The following NSG1 variants were observed in gnomAD, a reference collection of about 807,000 sequenced individuals.
The protein encoded by NSG1 is neuronal vesicle trafficking-associated protein 1.
Under a neutral mutation model 19.3 loss-of-function variants are expected in NSG1, and 9 were observed. The observed-to-expected ratio is 0.47, with a 90% confidence interval of 0.28 to 0.81. The LOEUF (loss-of-function observed/expected upper bound fraction) is 0.81. Ranked by LOEUF, NSG1 falls within the 40% of genes least tolerant of loss-of-function variation. The probability of loss-of-function intolerance (pLI) is 0.11; values close to 1 mark genes in which losing one functional copy is unlikely to be tolerated. For missense variants in NSG1, 236 were observed against 242.4 expected (o/e 0.97, Z 0.18); for synonymous variants, 104 against 107.0 (o/e 0.97, Z 0.17).
At chr4:4,412,289 C>A (rs1724252945) in intron 4 of NSG1, among the ~76,000 whole-genome samples, 1 of 151,682 alleles carries the variant, frequency 6.6e-6, no homozygotes, top group Non-Finnish European at 1.5e-5. Context: ...TGGGAGATGA[C>A]CCAGGAGATG....
intron 3 of NSG1, among the ~76,000 whole-genome samples, chr4:4,404,282 C>T (rs1305703016): frequency 6.6e-6 from 1 of 152,224 alleles, no homozygotes; most frequent in Non-Finnish European, 1.5e-5. Context: ...CAGCATGGAG[C>T]CTGCAACATT....
intron 3 of NSG1, among the ~76,000 whole-genome samples, chr4:4,406,771 G>A (rs1030640841): frequency 3.3e-5 from 5 of 152,128 alleles, no homozygotes; most frequent in South Asian, 2.1e-4. Context: ...CCAGACTCCC[G>A]GCCAGTGAGC....
intron 3 of NSG1, among the ~76,000 whole-genome samples, chr4:4,395,461 C>T (rs1361335975): frequency 2.6e-5 from 4 of 152,128 alleles, no homozygotes; most frequent in African/African-American, 9.7e-5. Context: ...TTTTATTACC[C>T]AGTTAGATTT....
At chr4:4,394,462 C>T (rs1723152186) in intron 3 of NSG1, among the ~76,000 whole-genome samples, 1 of 152,104 alleles carries the variant, frequency 6.6e-6, no homozygotes, top group Non-Finnish European at 1.5e-5. Context: ...CTGGGTTGGG[C>T]TGTCTTCTCT....
intron 3 of NSG1, among the ~76,000 whole-genome samples, chr4:4,405,734 C>T (rs746291347): frequency 1.7e-4 from 26 of 152,186 alleles, no homozygotes; most frequent in Non-Finnish European, 3.8e-4. Context: ...ACGGGCCGCC[C>T]GCTGACTCTC....
intron 3 of NSG1, among the ~76,000 whole-genome samples, chr4:4,398,147 GT>G (rs1723365966): frequency 6.6e-6 from 1 of 151,804 alleles, no homozygotes; most frequent in African/African-American, 2.4e-5. Context: ...TGGAGATGGG[GT>G]TTCACTATCT....
intron 4 of NSG1, among the ~76,000 whole-genome samples, chr4:4,416,572 C>T (rs1357310052): frequency 6.6e-6 from 1 of 152,170 alleles, no homozygotes; most frequent in African/African-American, 2.4e-5. Flanking sequence ...AACCACAGGG[C>T]CTGGCCTGCA....
At chr4:4,401,434 C>G (rs1723542019) in intron 3 of NSG1, among the ~76,000 whole-genome samples, 1 of 152,216 alleles carries the variant, frequency 6.6e-6, no homozygotes, top group African/African-American at 2.4e-5. Flanking sequence ...TGCAGCCACA[C>G]TGGTCGTAGA....
chr4:4,405,802 C>T (rs567628130), intron 3 of NSG1, among the ~76,000 whole-genome samples: 13 of 152,184 alleles, frequency 8.5e-5, no homozygotes, highest in African/African-American at 2.9e-4. Context: ...CTCGCATTCT[C>T]GTTGCACGGT....
intron 4 of NSG1, among the ~76,000 whole-genome samples, chr4:4,416,685 C>A (rs944528408): frequency 1.3e-5 from 2 of 152,046 alleles, no homozygotes; most frequent in Admixed American, 6.5e-5. Flanking sequence ...CCCTCCCTAC[C>A]CCCTCGCCAT....
intron 4 of NSG1, among the ~76,000 whole-genome samples, chr4:4,411,184 C>G (rs2108751768): frequency 6.6e-6 from 1 of 152,308 alleles, no homozygotes; most frequent in South Asian, 2.1e-4. Context: ...AAGTTTTTGA[C>G]TCTTTTGTAA....
chr4:4,415,929 G>A (rs1161199967), intron 4 of NSG1: 4 of 603,268 alleles, frequency 6.6e-6, no homozygotes, highest in Non-Finnish European at 1.2e-5. Flanking sequence ...CTGCTGGTCT[G>A]AATGGGCTGT....
At position 4,387,654 on chromosome 4, in the gene NSG1, G is replaced by T. The variant is rs368998301; in HGVS notation, c.25G>T (p.Ala9Ser). 89 of 1,613,250 alleles carry T rather than the reference G, an allele frequency of 5.5e-5. 2 individuals carry two copies. In the Middle Eastern group the frequency reaches 1.6e-3, roughly 30 times the overall value. ...GATGGTGAAGTTGGGGAACAATTTC[G>T]CAGAGAAGGGCACCAAGCAGCCGCT... MVKLGNNF[A>S]EKGTKQPLLE... Residue 9 changes from alanine to serine, a missense_variant, in exon 2 of 5, where the codon GCA becomes TCA. Transcript: ENST00000621129.
intron 4 of NSG1, among the ~76,000 whole-genome samples, chr4:4,415,508 G>A (rs1001599186): frequency 1.3e-5 from 2 of 152,182 alleles, no homozygotes; most frequent in Admixed American, 6.5e-5. Context: ...GTGGGCTCAC[G>A]GCAAGGCCTC....
chr4:4,387,561 C>CGGGGGTGGGG, intron 1 of NSG1, 43 bp from the exon 2 acceptor site: 2 of 1,141,988 alleles, frequency 1.8e-6, no homozygotes, highest in Middle Eastern at 2.5e-4. Context: ...CGCCCCGCCC[C>CGGGGGTGGGG]GGGTCTTGCT....
At chr4:4,390,788 G>A (rs1352144626) in intron 2 of NSG1, among the ~76,000 whole-genome samples, 1 of 152,204 alleles carries the variant, frequency 6.6e-6, no homozygotes, top group African/African-American at 2.4e-5. Context: ...GGGCTGGGAG[G>A]CTTCTTGGGT....
chr4:4,417,247 A>T lies in NSG1; in HGVS notation c.370A>T (p.Ile124Phe). 1 of 1,614,062 alleles carries T rather than the reference A, an allele frequency of 6.2e-7. No individual in the cohort carries two copies. Among genetic ancestry groups the T allele is most frequent in the Non-Finnish European group, 8.5e-7 (1 of 1,180,028 alleles). The stretch of plus-strand genomic sequence containing the variant: ...TCTTGTCTTTCAGAACACCCAGTGC[A>T]TCCCAGAAGGCTTGGAGAGCTACTA... Reference protein sequence around the residue: ...DGFVLKNTQCIPEGLESYYAE... With the variant: ...DGFVLKNTQCFPEGLESYYAE... Residue 124 changes from isoleucine (I) to phenylalanine (F), a missense_variant, in exon 5 of 5, where the codon ATC becomes TTC. Coordinates refer to ENST00000621129, the MANE Select transcript of NSG1 (RefSeq NM_014392.5).
intron 3 of NSG1, among the ~76,000 whole-genome samples, chr4:4,402,047 ATTTT>A (rs35299425): frequency 2.2e-4 from 27 of 122,300 alleles, no homozygotes; most frequent in Middle Eastern, 4.5e-3. Flanking sequence ...TGCCCAGCTA[ATTTT>A]TTTTTTTTTT....
chr4:4,391,087 G>A (rs1335891183), intron 2 of NSG1, among the ~76,000 whole-genome samples: 1 of 152,208 alleles, frequency 6.6e-6, no homozygotes, highest in Non-Finnish European at 1.5e-5. Context: ...AGCAAGGCCA[G>A]TGAAAAGGCA....
Sources: allele counts gnomAD v4.1 joint callset (sites outside exome capture counted in the v4.1 genomes callset), GRCh38; gene constraint gnomAD v4.1.1; transcripts MANE v1.5; gene names NCBI Gene and HGNC (gene_info 2026-07-23, HGNC 2026-07-21).